TAFA1: variants seen among roughly 807,000 people sequenced by gnomAD.
TAFA1 encodes chemokine-like protein TAFA-1.
In TAFA1, 4 loss-of-function variants were observed where a neutral mutation model predicts 18.5. That is an observed-to-expected ratio of 0.22 (90% confidence interval 0.11 to 0.49). The LOEUF is 0.49. TAFA1 is among the 20% of genes least tolerant of loss of function. The pLI is 0.98. For synonymous variants in TAFA1, 56 were observed against 55.2 expected (o/e 1.01, Z -0.06); for missense variants, 147 against 169.0 (o/e 0.87, Z 0.72).
chr3:68,431,514 CTG>C (rs2071171427), intron 3 of TAFA1, among the ~76,000 whole-genome samples: 1 of 151,912 alleles, frequency 6.6e-6, no homozygotes, highest in African/African-American at 2.4e-5. Context: ...GATAAGGAAA[CTG>C]GGGCTCAAGA....
chr3:68,467,799 T>C (rs1047345942), intron 3 of TAFA1, among the ~76,000 whole-genome samples: 8 of 152,160 alleles, frequency 5.3e-5, no homozygotes, highest in Admixed American at 2.0e-4. Context: ...TAAACTGATT[T>C]AGCAAATTCT....
chr3:68,442,582 C>G (rs1341104428), intron 3 of TAFA1, among the ~76,000 whole-genome samples: 1 of 152,006 alleles, frequency 6.6e-6, no homozygotes, highest in Non-Finnish European at 1.5e-5. Context: ...GAGTTTATGA[C>G]ACGTAGTGGC....
intron 3 of TAFA1, among the ~76,000 whole-genome samples, chr3:68,489,902 A>C (rs925012982): frequency 6.6e-6 from 1 of 152,228 alleles, no homozygotes. Flanking sequence ...TGTGAATCAA[A>C]TGGCCAGCTG....
intron 2 of TAFA1, among the ~76,000 whole-genome samples, chr3:68,128,674 C>CT: frequency 6.6e-6 from 1 of 152,262 alleles, no homozygotes; most frequent in African/African-American, 2.4e-5. Flanking sequence ...TGGATATGCT[C>CT]TGTGGAGAGG....
At chr3:68,387,832 G>A (rs1159452343) in intron 2 of TAFA1, among the ~76,000 whole-genome samples, 2 of 152,128 alleles carry the variant, frequency 1.3e-5, no homozygotes, top group South Asian at 2.1e-4. Context: ...TGAGACCACA[G>A]CCTTGGAAGG....
At chr3:68,090,112 C>T (rs1185456782) in intron 2 of TAFA1, among the ~76,000 whole-genome samples, 1 of 152,160 alleles carries the variant, frequency 6.6e-6, no homozygotes, top group Non-Finnish European at 1.5e-5. Context: ...AGCCAGGCAT[C>T]CAAATAGCTG....
At chr3:68,441,388 C>T (rs1220631538) in intron 3 of TAFA1, among the ~76,000 whole-genome samples, 1 of 152,124 alleles carries the variant, frequency 6.6e-6, no homozygotes, top group African/African-American at 2.4e-5. Flanking sequence ...ACAAAGGCCT[C>T]TAAGATTTTA....
chr3:68,152,791 A>G (rs1172234269), intron 2 of TAFA1, among the ~76,000 whole-genome samples: 5 of 152,088 alleles, frequency 3.3e-5, no homozygotes, highest in South Asian at 4.1e-4. Flanking sequence ...TAAATTCCCA[A>G]TGGAAAGAGT....
intron 2 of TAFA1, among the ~76,000 whole-genome samples, chr3:68,357,921 T>C (rs1437677956): frequency 6.6e-6 from 1 of 151,932 alleles, no homozygotes; most frequent in Non-Finnish European, 1.5e-5. Context: ...TAGAATAATA[T>C]CAGATTACAG....
intron 3 of TAFA1, among the ~76,000 whole-genome samples, chr3:68,525,682 A>T (rs1016231471): frequency 2.0e-5 from 3 of 152,218 alleles, no homozygotes; most frequent in African/African-American, 7.2e-5. Context: ...ATAGACACAC[A>T]TCAAATTAGT....
intron 3 of TAFA1, among the ~76,000 whole-genome samples, chr3:68,433,501 C>T (rs2071216299): frequency 6.6e-6 from 1 of 152,120 alleles, no homozygotes; most frequent in African/African-American, 2.4e-5. Flanking sequence ...CTTTAAATTA[C>T]ATTTTAATAC....
At chr3:68,352,187 T>C (rs1393773233) in intron 2 of TAFA1, among the ~76,000 whole-genome samples, 4 of 151,910 alleles carry the variant, frequency 2.6e-5, no homozygotes, top group Admixed American at 1.3e-4. Flanking sequence ...GAATATGATA[T>C]CAGGGAGGAA....
At chr3:68,267,338 A>G (rs564434780) in intron 2 of TAFA1, among the ~76,000 whole-genome samples, 2 of 152,160 alleles carry the variant, frequency 1.3e-5, no homozygotes, top group Non-Finnish European at 2.9e-5. Context: ...CTCAAACAAA[A>G]CTGTTCTACT....
chr3:68,240,607 G>A (rs937627996), intron 2 of TAFA1, among the ~76,000 whole-genome samples: 4 of 152,096 alleles, frequency 2.6e-5, no homozygotes, highest in African/African-American at 9.7e-5. Context: ...TAGTAAACAG[G>A]AACCATTCTG....
chr3:68,296,865 C>A (rs1242965154), intron 2 of TAFA1, among the ~76,000 whole-genome samples: 3 of 152,094 alleles, frequency 2.0e-5, no homozygotes, highest in African/African-American at 4.8e-5. Flanking sequence ...GAAAAATTAA[C>A]AGTAGTAAAT....
intron 3 of TAFA1, among the ~76,000 whole-genome samples, chr3:68,503,579 G>C (rs1360269212): frequency 6.6e-6 from 1 of 152,148 alleles, no homozygotes; most frequent in African/African-American, 2.4e-5. Flanking sequence ...TTGGGATCCT[G>C]AAAATGTTCT....
At chr3:68,001,187 GAGAATAA>G (rs1704279846), upstream of TAFA1, among the ~76,000 whole-genome samples, 1 of 152,092 alleles carries the variant, frequency 6.6e-6, no homozygotes, top group Admixed American at 6.6e-5. Context: ...GTCCTAAAAG[GAGAATAA>G]AGAATAAAGA....
Position 68,153,042 on chromosome 3 carries a change from G to A in TAFA1, c.118+146298G>A, listed in dbSNP as rs563840390. ...GTTGAGTCTTAATAGTACAAGGAGAGGGAATGGATGTTGGGCAGACAAATC... is the reference window on the plus strand; with the variant it reads ...GTTGAGTCTTAATAGTACAAGGAGAAGGAATGGATGTTGGGCAGACAAATC... On this transcript the variant is annotated intron_variant, in intron 2 of 4. Transcript: ENST00000478136. Among the ~76,000 whole-genome samples, 3 of 152,260 alleles carry A rather than the reference G, an allele frequency of 2.0e-5. No homozygotes were observed. In the South Asian group the frequency reaches 6.2e-4, roughly 32 times the overall value.
At chr3:68,347,280 T>A (rs1406874105) in intron 2 of TAFA1, among the ~76,000 whole-genome samples, 1 of 152,184 alleles carries the variant, frequency 6.6e-6, no homozygotes, top group African/African-American at 2.4e-5. Flanking sequence ...ACAACACCTC[T>A]TCCCTCTCTC....
Sources: allele counts gnomAD v4.1 joint callset (sites outside exome capture counted in the v4.1 genomes callset), GRCh38; gene constraint gnomAD v4.1.1; transcripts MANE v1.5; gene names NCBI Gene and HGNC (gene_info 2026-07-23, HGNC 2026-07-21).